LYST: variants seen among roughly 807,000 people sequenced by gnomAD.
The protein encoded by LYST is lysosomal-trafficking regulator.
In LYST, 192 loss-of-function variants were observed where a neutral mutation model predicts 413.6. The ratio of observed to expected loss-of-function variants is 0.46; its 90% CI spans 0.41 to 0.52. The LOEUF (loss-of-function observed/expected upper bound fraction) is 0.52. Ranked by LOEUF, LYST falls within the 20% of genes least tolerant of loss-of-function variation. LYST has a pLI of 0.00. For missense variants in LYST, 3,815 were observed against 4,499.9 expected, an observed-to-expected ratio of 0.85 and a Z score of 4.35; for synonymous variants, 1,525 against 1,567.3, an observed-to-expected ratio of 0.97 and a Z score of 0.64.
chr1:235,835,599 A>G (rs1210651085), intron 1 of LYST, among the ~76,000 whole-genome samples: 2 of 152,202 alleles, frequency 1.3e-5, no homozygotes, highest in African/African-American at 4.8e-5. Context: ...ATCCAAGATC[A>G]TAATTCTAAC....
At chr1:235,831,671 T>C (rs138496529) in intron 2 of LYST, among the ~76,000 whole-genome samples, 54 of 152,328 alleles carry the variant, frequency 3.5e-4, no homozygotes, top group African/African-American at 1.2e-3. Flanking sequence ...AGTAACTCTC[T>C]TTTAGTATAA....
At chr1:235,831,184 T>C (rs1675929988) in intron 2 of LYST, among the ~76,000 whole-genome samples, 1 of 152,060 alleles carries the variant, frequency 6.6e-6, no homozygotes, top group Admixed American at 6.5e-5. Context: ...AGATGTTAAG[T>C]TAAATAAGAC....
chr1:235,841,958 A>G (rs1047428659), intron 1 of LYST, among the ~76,000 whole-genome samples: 1 of 152,160 alleles, frequency 6.6e-6, no homozygotes, highest in Non-Finnish European at 1.5e-5. Flanking sequence ...GACAGACAAA[A>G]TAATTTACTG....
At chr1:235,843,245 T>C (rs1162234216) in intron 1 of LYST, among the ~76,000 whole-genome samples, 2 of 123,736 alleles carry the variant, frequency 1.6e-5, no homozygotes, top group Non-Finnish European at 3.8e-5. Flanking sequence ...TTAATTCCAA[T>C]ATTTATTTAT....
At chr1:235,757,844 G>A (rs1250839824) in intron 23 of LYST, among the ~76,000 whole-genome samples, 6 of 150,334 alleles carry the variant, frequency 4.0e-5, no homozygotes, top group Admixed American at 4.0e-4. Flanking sequence ...ATTGCAGAAA[G>A]TTTCACTGGA....
chr1:235,756,699 C>G (rs1325499165), intron 24 of LYST, among the ~76,000 whole-genome samples: 2 of 152,076 alleles, frequency 1.3e-5, no homozygotes, highest in Non-Finnish European at 2.9e-5. Flanking sequence ...AAGATGCCCA[C>G]CCTCATGGAG....
At chr1:235,850,500 AT>A (rs1678398372) in intron 1 of LYST, among the ~76,000 whole-genome samples, 1 of 152,156 alleles carries the variant, frequency 6.6e-6, no homozygotes, top group Non-Finnish European at 1.5e-5. Flanking sequence ...CCAAAAGTAA[AT>A]GCAATAACAA....
chr1:235,782,178 T>A, intron 14 of LYST, 91 bp from the exon 15 acceptor site: 1 of 1,157,154 alleles, frequency 8.6e-7, no homozygotes. Context: ...CAATGGGGAA[T>A]TCTTTTTTTT....
chr1:235,719,817 G>T (rs1440991835), intron 40 of LYST, among the ~76,000 whole-genome samples: 1 of 152,000 alleles, frequency 6.6e-6, no homozygotes, highest in Non-Finnish European at 1.5e-5. Context: ...GCCTCCAAAA[G>T]AATAAGTGAC....
chr1:235,730,402 A>G (rs1664261246), intron 36 of LYST, among the ~76,000 whole-genome samples: 1 of 151,988 alleles, frequency 6.6e-6, no homozygotes, highest in African/African-American at 2.4e-5. Flanking sequence ...TGGAATCTAA[A>G]CCTTTAATCA....
At chr1:235,738,244 A>C in intron 31 of LYST, 1 of 1,611,016 alleles carries the variant, frequency 6.2e-7, no homozygotes, top group Non-Finnish European at 8.5e-7. Flanking sequence ...TCTGGCAAAG[A>C]CTATACTGTA....
At chr1:235,839,004 T>C (rs1460998550) in intron 1 of LYST, among the ~76,000 whole-genome samples, 2 of 152,132 alleles carry the variant, frequency 1.3e-5, no homozygotes, top group Non-Finnish European at 2.9e-5. Context: ...TTCTTTCTTT[T>C]TGTAGAGACA....
At chr1:235,727,976 T>C in intron 38 of LYST, 100 bp downstream of exon 38, 2 of 878,520 alleles carry the variant, frequency 2.3e-6, no homozygotes, top group Non-Finnish European at 3.9e-6. Flanking sequence ...TGACAAAGAA[T>C]GAACTCTAAT....
chr1:235,777,904 A>G lies in LYST; in HGVS notation c.5215-596T>C, dbSNP rs1034051417. 2.6e-5 allele frequency among the ~76,000 whole-genome samples: 4 copies of G among 151,866 alleles called. No homozygotes were observed. The South Asian group carries it at 8.3e-4, about 32-fold the overall frequency. On this transcript the variant is annotated intron_variant, in intron 16 of 52. Transcript: ENST00000389793. ...GATTCTCTAAACTATTTTAAAAATTAAAGTTAATTTTAAATACAGAATGCA... is the reference window on the plus strand; with the variant it reads ...GATTCTCTAAACTATTTTAAAAATTGAAGTTAATTTTAAATACAGAATGCA...
chr1:235,837,608 G>C (rs934711425), intron 1 of LYST, among the ~76,000 whole-genome samples: 5 of 142,640 alleles, frequency 3.5e-5, no homozygotes, highest in African/African-American at 1.4e-4. Flanking sequence ...GCCTGGGTAA[G>C]AGTGAGACCC....
chr1:235,820,791 A>C (rs1674672104), intron 3 of LYST, among the ~76,000 whole-genome samples: 1 of 152,210 alleles, frequency 6.6e-6, no homozygotes, highest in South Asian at 2.1e-4. Context: ...TTCTTCTATC[A>C]GAATTTTATA....
chr1:235,806,941 C>T (rs1672910974), intron 5 of LYST, among the ~76,000 whole-genome samples, 169 bp from the exon 6 acceptor site: 1 of 152,094 alleles, frequency 6.6e-6, no homozygotes, highest in South Asian at 2.1e-4. Flanking sequence ...TAATTAGGAC[C>T]TCAAGTTACT....
intron 1 of LYST, among the ~76,000 whole-genome samples, chr1:235,845,937 T>G (rs879792249): frequency 3.3e-5 from 5 of 151,946 alleles, no homozygotes; most frequent in Non-Finnish European, 7.4e-5. Flanking sequence ...CATTTAATCT[T>G]GGGAGTTCTA....
At chr1:235,876,132 G>A (rs1681126605) in intron 1 of LYST, among the ~76,000 whole-genome samples, 1 of 151,962 alleles carries the variant, frequency 6.6e-6, no homozygotes, top group African/African-American at 2.4e-5. Context: ...TGAGGTGAGA[G>A]GATCACTTGA....
Sources: allele counts gnomAD v4.1 joint callset (sites outside exome capture counted in the v4.1 genomes callset), GRCh38; gene constraint gnomAD v4.1.1; transcripts MANE v1.5; gene names NCBI Gene and HGNC (gene_info 2026-07-23, HGNC 2026-07-21).